The following ABL1 variants were observed in gnomAD, a reference collection of about 807,000 sequenced individuals.
ABL1 encodes the protein tyrosine-protein kinase ABL1.
In ABL1, 11 loss-of-function variants were observed where a neutral mutation model predicts 94.7. That is an observed-to-expected ratio of 0.12 (90% CI 0.07 to 0.19). The LOEUF (loss-of-function observed/expected upper bound fraction) is 0.19, where lower values mean the gene tolerates loss of function less well. ABL1 is among the 10% of genes least tolerant of loss of function. The probability of loss-of-function intolerance (pLI) is 1.00; values close to 1 mark genes in which losing one functional copy is unlikely to be tolerated. For missense variants in ABL1, 1,082 were observed against 1,489.4 expected (o/e 0.73, Z 4.50); for synonymous variants, 656 against 622.4 (o/e 1.05, Z -0.80).
rs561213886 is a variant in ABL1 at position 130,773,942 on chromosome 9, T to A, written c.136+59487T>A. ...AAGTTTCCTTATGATTCTTTGTAAT[T>A]CTTCCCTGATTTACCTCCTTCCCGG... On this transcript the variant is annotated intron_variant, in intron 1 of 10. Coordinates refer to the ABL1 transcript ENST00000372348. Among the ~76,000 whole-genome samples the A allele has an allele frequency of 7.2e-5, 11 of 152,306 alleles. No homozygotes were observed. In the South Asian group the frequency reaches 2.3e-3, roughly 32 times the overall value.
At chr9:130,720,164 A>G (rs1831497588) in intron 1 of ABL1, among the ~76,000 whole-genome samples, 2 of 152,192 alleles carry the variant, frequency 1.3e-5, no homozygotes, top group Admixed American at 6.5e-5. Flanking sequence ...AAACAAAACA[A>G]TCCCTGCCCT....
rs148951556 is a variant in ABL1 at position 130,740,361 on chromosome 9, G to A, written c.136+25906G>A. ...GTGGCTGTTCCTCTCCTGGAGAGCC[G>A]CTGGGCGGCAATTGTCATGCTAGGA... On this transcript the variant is annotated intron_variant, in intron 1 of 10. Coordinates refer to the ABL1 transcript ENST00000372348. 5.3e-5 allele frequency among the ~76,000 whole-genome samples: 8 copies of A among 152,334 alleles called. No individual in the cohort carries two copies. The East Asian group carries it at 7.7e-4, about 15-fold the overall frequency.
At chr9:130,757,405 A>G (rs956135120) in intron 1 of ABL1, among the ~76,000 whole-genome samples, 1 of 152,116 alleles carries the variant, frequency 6.6e-6, no homozygotes, top group Admixed American at 6.5e-5. Flanking sequence ...TGTAAAAAAT[A>G]CAAAAATTAG....
intron 1 of ABL1, among the ~76,000 whole-genome samples, chr9:130,728,092 A>T (rs1831612044): frequency 6.6e-6 from 1 of 151,850 alleles, no homozygotes; most frequent in Non-Finnish European, 1.5e-5. Flanking sequence ...TGGAGACAAG[A>T]TCTCACTCTG....
In ABL1 at chr9:130,759,963, AT is replaced by A. The variant is rs34154339; in HGVS notation, c.136+45534del. Among the ~76,000 whole-genome samples the A allele has an allele frequency of 5.6e-3, 524 of 92,988 alleles. 1 individual carries two copies. The highest frequency in any genetic ancestry group is 0.012 in the East Asian group (37 of 3,062). The allele number at this position is 92,988 out of a possible 152,430, so 61.0% of individuals were successfully genotyped here. ...TTGTGCCACACATTTAGGTAATTTA[AT>A]TTTTTTTTTTTTTTTTTTTTTTTTT... On this transcript the variant is annotated intron_variant, in intron 1 of 10. Transcript: ENST00000372348.
rs576455782 is a variant in ABL1, at chr9:130,781,350, C to G, written c.136+66895C>G. Reference sequence around the variant, plus strand: ...AGTAATTCTCCACCTCTCACTTGCCCGTGTGGGTGCCCCATCCCCACCCTC... The same window carrying G: ...AGTAATTCTCCACCTCTCACTTGCCGGTGTGGGTGCCCCATCCCCACCCTC... On this transcript the variant is annotated intron_variant, in intron 1 of 10. Transcript: ENST00000372348. Among the ~76,000 whole-genome samples the G allele has an allele frequency of 2.6e-5, 4 of 152,210 alleles. No homozygotes were observed. The South Asian group carries it at 8.3e-4, about 32-fold the overall frequency.
At chr9:130,716,070 T>TC (rs1473671308) in intron 1 of ABL1, among the ~76,000 whole-genome samples, 1 of 128,816 alleles carries the variant, frequency 7.8e-6, no homozygotes, top group Admixed American at 9.1e-5. Flanking sequence ...CTGAAAAATG[T>TC]CCTTTTTTTT....
At chr9:130,766,688 C>T (rs1335631665) in intron 1 of ABL1, among the ~76,000 whole-genome samples, 1 of 152,144 alleles carries the variant, frequency 6.6e-6, no homozygotes, top group East Asian at 1.9e-4. Flanking sequence ...CCCTCTCTTT[C>T]TTGTCCGATA....
chr9:130,877,358 T>C lies in ABL1; in HGVS notation c.1271-1057T>C, dbSNP rs1308304616. ...TCTCAGATTTCAAAACTTTCAAAGA[T>C]TTCATAAGATTTTTATGAAATGTTT... On this transcript the variant is annotated intron_variant, in intron 7 of 10. Transcript: ENST00000318560. Among the ~76,000 whole-genome samples the C allele has an allele frequency of 1.3e-5, 2 of 148,238 alleles. 1 individual carries two copies. Among genetic ancestry groups the C allele is most frequent in the Non-Finnish European group, 3.0e-5 (2 of 67,260 alleles).
intron 1 of ABL1, among the ~76,000 whole-genome samples, chr9:130,725,805 G>C (rs1831573991): frequency 7.1e-6 from 1 of 140,352 alleles, no homozygotes; most frequent in African/African-American, 2.6e-5. Flanking sequence ...CCATCTGTTG[G>C]TGGAACTTGT....
intron 1 of ABL1, among the ~76,000 whole-genome samples, chr9:130,741,769 G>C (rs1831822580): frequency 6.6e-6 from 1 of 152,218 alleles, no homozygotes; most frequent in African/African-American, 2.4e-5. Flanking sequence ...CAAGACCTTT[G>C]GGTTGTACAG....
At position 130,886,588 on chromosome 9, in the gene ABL1, C is replaced by T. The variant is rs2133042963; in HGVS notation, c.*905C>T. On this transcript the variant is annotated 3_prime_UTR_variant, in exon 11 of 11. Transcript: ENST00000318560. ...GTGAACAGCTGGTGCCAAATAGCCC[C>T]AGACTGGGCCCAGGCAGGTCTGCAA... 1 of 233,578 alleles carries T rather than the reference C, an allele frequency of 4.3e-6. No individual in the cohort carries two copies. The highest frequency in any genetic ancestry group is 6.0e-5 in the East Asian group (1 of 16,574). The allele number at this position is 233,578 out of a possible 1,614,324, so 14.5% of individuals were successfully genotyped here.
rs1229718519 is a variant in ABL1, at chr9:130,880,387, AG to A, written c.1514-112del. ...TCCGGTATCCACGTGCCTTTTCTTT[AG>A]TTGTATGCAGATGAGCACTGTTACC... On this transcript the variant is annotated intron_variant, in intron 9 of 10. Coordinates refer to ENST00000318560, the MANE Select transcript of ABL1 (RefSeq NM_005157.6). This position sits in a 1 kb window ranked among gnomAD's most constrained non-coding sequence, Gnocchi z 4.4. 7 of 1,315,912 alleles carry A rather than the reference AG, an allele frequency of 5.3e-6. No individual in the cohort carries two copies. The highest frequency in any genetic ancestry group is 1.5e-5 in the African/African-American group (1 of 68,140). 81.5% of individuals were successfully genotyped at this position (1,315,912 alleles called of 1,614,324 possible).
At chr9:130,724,387 TTC>T (rs1831552330) in intron 1 of ABL1, among the ~76,000 whole-genome samples, 1 of 152,346 alleles carries the variant, frequency 6.6e-6, no homozygotes, top group African/African-American at 2.4e-5. Context: ...CTAACTTATT[TTC>T]TTATGTATCC....
chr9:130,793,873 T>C (rs1829940114), intron 1 of ABL1, among the ~76,000 whole-genome samples: 1 of 152,138 alleles, frequency 6.6e-6, no homozygotes, highest in African/African-American at 2.4e-5. Flanking sequence ...TAGTTTCTCA[T>C]AGGAGCATGA....
chr9:130,733,906 A>G (rs1234219971), intron 1 of ABL1, among the ~76,000 whole-genome samples: 2 of 151,756 alleles, frequency 1.3e-5, no homozygotes, highest in Non-Finnish European at 2.9e-5. Flanking sequence ...GCACTTTCAT[A>G]TACTTTTTTG....
intron 4 of ABL1, among the ~76,000 whole-genome samples, chr9:130,870,402 G>A (rs866554744): frequency 6.6e-5 from 10 of 152,296 alleles, no homozygotes; most frequent in Middle Eastern, 3.4e-3. Context: ...GGTTTATTAT[G>A]TAGTCTTCAA....
intron 1 of ABL1, among the ~76,000 whole-genome samples, chr9:130,787,622 G>T (rs185320404): frequency 1.3e-5 from 2 of 152,100 alleles, no homozygotes; most frequent in East Asian, 1.9e-4. Context: ...ACCCGAGTCC[G>T]GTATTGAGGG....
At chr9:130,787,650 G>A (rs147240558) in intron 1 of ABL1, among the ~76,000 whole-genome samples, 3 of 152,202 alleles carry the variant, frequency 2.0e-5, no homozygotes, top group African/African-American at 4.8e-5. Context: ...CTCCAGCCTC[G>A]TGCTCTGCTC....
Sources: gnomAD v4.1 joint callset for allele counts (sites outside exome capture counted in the v4.1 genomes callset) on GRCh38, gnomAD v4.1.1 for gene constraint, Gnocchi (gnomAD v3.1) non-coding constraint, MANE v1.5 for transcripts, NCBI Gene and HGNC (gene_info 2026-07-23, HGNC 2026-07-21) for gene names.